TBC1D22A: variants seen among roughly 807,000 people sequenced by gnomAD.
TBC1D22A encodes the protein TBC1 domain family member 22A, also known as putative GTPase activator.
In TBC1D22A, 38 loss-of-function variants were observed where a neutral mutation model predicts 60.2. The ratio of observed to expected loss-of-function variants is 0.63; its 90% CI spans 0.49 to 0.83. The LOEUF (loss-of-function observed/expected upper bound fraction) is 0.83, where lower values mean the gene tolerates loss of function less well. TBC1D22A is among the 40% of genes least tolerant of loss of function. The pLI is 0.00. For missense variants in TBC1D22A, 628 were observed against 701.0 expected (o/e 0.90, Z 1.18); for synonymous variants, 302 against 281.7 (o/e 1.07, Z -0.72).
chr22:47,029,923 AC>A lies in TBC1D22A; in HGVS notation c.1202-7145del, dbSNP rs143567256. ...CTCGTCCTGGGTCTCAACCCTTCCCACCCTCTGCCCACCATTGGCAGTGAGC... is the reference window on the plus strand; with the variant it reads ...CTCGTCCTGGGTCTCAACCCTTCCCACCTCTGCCCACCATTGGCAGTGAGC... On this transcript the variant is annotated intron_variant, in intron 10 of 12. Transcript: ENST00000337137. Among the ~76,000 whole-genome samples, 1,140 of 150,620 alleles carry A rather than the reference AC, an allele frequency of 7.6e-3. 17 individuals are homozygous for A. Among genetic ancestry groups the A allele is most frequent in the African/African-American group, 0.026 (1,087 of 41,026 alleles).
At chr22:47,034,080 CTTA>C (rs2062577538) in intron 10 of TBC1D22A, among the ~76,000 whole-genome samples, 1 of 152,206 alleles carries the variant, frequency 6.6e-6, no homozygotes, top group Admixed American at 6.5e-5. Context: ...CTGCCCTTTA[CTTA>C]TTAGAGACTA....
intron 12 of TBC1D22A, among the ~76,000 whole-genome samples, chr22:47,151,878 C>T (rs951234547): frequency 1.2e-4 from 18 of 152,194 alleles, no homozygotes; most frequent in African/African-American, 4.3e-4. Context: ...CAGTGCAGCC[C>T]AGTGACCTGC....
rs188347845 is a variant in TBC1D22A at position 47,014,396 on chromosome 22, G to A, written c.1201+16687G>A. Among the ~76,000 whole-genome samples, 170 of 152,252 alleles carry A rather than the reference G, an allele frequency of 1.1e-3. 1 individual carries two copies. In the East Asian group the frequency reaches 0.03, roughly 27 times the overall value. ...CCCATAGCCGCAGGCCTCAGTCTGC[G>A]CTGCCCCAGACTAGACCCAGGGCCC... On this transcript the variant is annotated intron_variant, in intron 10 of 12. Coordinates refer to ENST00000337137, the MANE Select transcript of TBC1D22A (RefSeq NM_014346.5).
At chr22:46,788,977 C>T (rs2146863115) in intron 1 of TBC1D22A, 1 of 152,706 alleles carries the variant, frequency 6.5e-6, no homozygotes, top group Non-Finnish European at 1.5e-5. Context: ...GCTGTGGTGA[C>T]AGGCCCTTGG....
Position 46,997,672 on chromosome 22 carries a change from A to G in TBC1D22A, c.1164A>G (p.Lys388=). The part of the protein sequence containing the change: ...YTFAQPGIQM[K]VKMLEELVSR... ...TTGCCCAACCTGGGATTCAAATGAA[A>G]GTGAAAATGTTAGAAGAACTCGTGA... The change falls in exon 10 of 13, where the codon AAA becomes AAG. Residue 388 remains lysine, a synonymous_variant. Coordinates refer to ENST00000337137, the MANE Select transcript of TBC1D22A (RefSeq NM_014346.5). 6.2e-7 allele frequency: 1 copy of G among 1,614,098 alleles called. No individual in the cohort carries two copies. Among genetic ancestry groups the G allele is most frequent in the Non-Finnish European group, 8.5e-7 (1 of 1,180,020 alleles).
intron 10 of TBC1D22A, among the ~76,000 whole-genome samples, chr22:47,008,404 A>G (rs549561050): frequency 6.6e-6 from 1 of 151,856 alleles, no homozygotes; most frequent in African/African-American, 2.4e-5. Flanking sequence ...GCACTTGCCA[A>G]CTCTCCCCAG....
intron 12 of TBC1D22A, among the ~76,000 whole-genome samples, chr22:47,124,086 G>A (rs530084324): frequency 5.3e-5 from 8 of 152,306 alleles, no homozygotes; most frequent in South Asian, 2.1e-4. Context: ...AGGCCTCCCC[G>A]AAGAGGGGTC....
chr22:46,824,657 C>G (rs2085971813), intron 4 of TBC1D22A, among the ~76,000 whole-genome samples: 1 of 151,962 alleles, frequency 6.6e-6, no homozygotes, highest in African/African-American at 2.4e-5. Flanking sequence ...GTAGGAAGAC[C>G]AGTTAGGAGG....
At chr22:47,077,671 T>G (rs939060902) in intron 11 of TBC1D22A, among the ~76,000 whole-genome samples, 14 of 152,304 alleles carry the variant, frequency 9.2e-5, no homozygotes, top group African/African-American at 2.6e-4. Context: ...GTGAGACAAG[T>G]GAAGAGGCAG....
intron 9 of TBC1D22A, among the ~76,000 whole-genome samples, chr22:46,993,423 C>G (rs1000489964): frequency 6.6e-6 from 1 of 152,116 alleles, no homozygotes; most frequent in Non-Finnish European, 1.5e-5. Flanking sequence ...TACCAGATCT[C>G]AATTGGAAAG....
At chr22:46,987,030 C>T (rs762635461) in intron 9 of TBC1D22A, among the ~76,000 whole-genome samples, 8 of 152,184 alleles carry the variant, frequency 5.3e-5, no homozygotes, top group Non-Finnish European at 8.8e-5. Context: ...TGATTGTCCT[C>T]GTGGCATGGT....
chr22:46,875,972 C>T (rs552692789), intron 4 of TBC1D22A, among the ~76,000 whole-genome samples: 9 of 152,186 alleles, frequency 5.9e-5, no homozygotes, highest in Non-Finnish European at 1.2e-4. Flanking sequence ...CTGTCATTGG[C>T]GCTCACAGAA....
chr22:47,042,401 TGAGA>T (rs57730619), intron 11 of TBC1D22A, among the ~76,000 whole-genome samples: 1 of 149,566 alleles, frequency 6.7e-6, no homozygotes, highest in African/African-American at 2.5e-5. Context: ...CCAGCCTGTA[TGAGA>T]GAGAGAGAGA....
chr22:47,064,560 G>A (rs115458922), intron 11 of TBC1D22A, among the ~76,000 whole-genome samples: 2,292 of 152,320 alleles, frequency 0.015, 47 homozygotes, highest in African/African-American at 0.052. Context: ...GTCATTAAAC[G>A]TGGCTTTAAG....
intron 12 of TBC1D22A, among the ~76,000 whole-genome samples, chr22:47,134,416 T>C (rs1181456088): frequency 1.3e-5 from 2 of 152,338 alleles, no homozygotes; most frequent in East Asian, 3.9e-4. Flanking sequence ...GAAGGCGGGT[T>C]CTGCTGGAGC....
At chr22:46,840,832 T>C (rs888170015) in intron 4 of TBC1D22A, among the ~76,000 whole-genome samples, 2 of 152,050 alleles carry the variant, frequency 1.3e-5, no homozygotes, top group Non-Finnish European at 2.9e-5. Flanking sequence ...TGATATAGCC[T>C]TTATGGAAAA....
chr22:46,942,306 C>T (rs1254147832), intron 8 of TBC1D22A, among the ~76,000 whole-genome samples: 1 of 151,914 alleles, frequency 6.6e-6, no homozygotes, highest in African/African-American at 2.4e-5. Flanking sequence ...AAATCCTGTT[C>T]TGTATTTGGG....
chr22:47,029,468 T>A (rs1222700451), intron 10 of TBC1D22A, among the ~76,000 whole-genome samples: 2 of 152,122 alleles, frequency 1.3e-5, no homozygotes, highest in African/African-American at 4.8e-5. Flanking sequence ...GGGGGCCGCC[T>A]GATGGAGCTC....
chr22:47,145,972 C>T (rs11912685), intron 12 of TBC1D22A, among the ~76,000 whole-genome samples: 3,293 of 148,314 alleles, frequency 0.022, 104 homozygotes, highest in African/African-American at 0.079. Context: ...CACGGGGATG[C>T]ACTGGATTGC....
Sources: gnomAD v4.1 joint callset for allele counts (sites outside exome capture counted in the v4.1 genomes callset) on GRCh38, gnomAD v4.1.1 for gene constraint, MANE v1.5 for transcripts, NCBI Gene and HGNC (gene_info 2026-07-23, HGNC 2026-07-21) for gene names.